The following HELZ variants were observed in gnomAD, a reference collection of about 807,000 sequenced individuals.
The protein encoded by HELZ is ATP-dependent RNA helicase with zinc finger domain.
Under a neutral mutation model 218.2 loss-of-function variants are expected in HELZ, and 23 were observed. The ratio of observed to expected loss-of-function variants is 0.11; its 90% CI spans 0.08 to 0.15. The LOEUF is 0.15. Among genes scored for constraint, HELZ ranks in the 10% least tolerant of loss-of-function variants. HELZ has a pLI of 1.00. For synonymous variants in HELZ, 814 were observed against 829.4 expected (o/e 0.98, Z 0.32); for missense variants, 1,813 against 2,353.7 (o/e 0.77, Z 4.75).
chr17:67,078,360 C>A lies in HELZ; in HGVS notation c.5721G>T (p.Arg1907Ser). 1 of 1,612,652 alleles carries A rather than the reference C, an allele frequency of 6.2e-7. No homozygotes were observed. Among genetic ancestry groups the A allele is most frequent in the Non-Finnish European group, 8.5e-7 (1 of 1,179,598 alleles). The change falls in exon 33 of 33, where the codon AGG becomes AGT. Residue 1907 changes from arginine (R) to serine (S), a missense_variant. Physicochemically the swap from Arg to Ser is moderately radical, Grantham distance 110. Coordinates refer to ENST00000358691, the MANE Select transcript of HELZ (RefSeq NM_014877.4). ...TCTTCTTGGCCTGCTCAGGAGGGGGCCTGGGCTTTGGAGGGGCCCGCAGAG... is the reference window on the plus strand; with the variant it reads ...TCTTCTTGGCCTGCTCAGGAGGGGGACTGGGCTTTGGAGGGGCCCGCAGAG... ...ASALRAPPKP[R>S]PPPEQAKKSS...
At chr17:67,215,175 T>G (rs2040563917) in intron 5 of HELZ, among the ~76,000 whole-genome samples, 1 of 151,816 alleles carries the variant, frequency 6.6e-6, no homozygotes, top group Admixed American at 6.6e-5. Flanking sequence ...CAGGAAAAAT[T>G]ACTAAAGAGC....
chr17:67,142,593 C>T (rs1265627115), intron 21 of HELZ, among the ~76,000 whole-genome samples: 6 of 151,982 alleles, frequency 3.9e-5, no homozygotes, highest in Non-Finnish European at 7.4e-5. Context: ...ATAGAATATG[C>T]ACTTTAGATT....
chr17:67,171,062 T>A (rs1222543254), intron 13 of HELZ, among the ~76,000 whole-genome samples: 3 of 151,234 alleles, frequency 2.0e-5, no homozygotes, highest in African/African-American at 7.3e-5. Flanking sequence ...CACTATACAG[T>A]CAATGTCTTC....
At chr17:67,199,200 T>C (rs904791082) in intron 7 of HELZ, among the ~76,000 whole-genome samples, 2 of 150,530 alleles carry the variant, frequency 1.3e-5, no homozygotes, top group South Asian at 2.1e-4. Flanking sequence ...TAATTGCGAT[T>C]TTGCCATTAC....
chr17:67,154,567 T>C (rs936265029), intron 17 of HELZ, among the ~76,000 whole-genome samples: 7 of 152,294 alleles, frequency 4.6e-5, no homozygotes, highest in Middle Eastern at 3.4e-3. Flanking sequence ...ATCTTGAAAA[T>C]TGCTATTAAA....
At chr17:67,142,277 G>C (rs2038351250) in intron 21 of HELZ, among the ~76,000 whole-genome samples, 1 of 151,930 alleles carries the variant, frequency 6.6e-6, no homozygotes, top group East Asian at 1.9e-4. Flanking sequence ...GAGGCTGAGG[G>C]AGGTGGATCG....
At position 67,079,490 on chromosome 17, in the gene HELZ, T is replaced by C. The variant is rs116733937; in HGVS notation, c.5495-904A>G. Among the ~76,000 whole-genome samples the C allele has an allele frequency of 5.7e-3, 867 of 152,336 alleles. 8 individuals are homozygous for C. Among genetic ancestry groups the C allele is most frequent in the African/African-American group, 0.019 (794 of 41,568 alleles). ...GACCGTGATGTTCCAGGTCAATATT[T>C]CTAAATATTCACGGCTCCTTCCTCA... On this transcript the variant is annotated intron_variant, in intron 32 of 32. Transcript: ENST00000358691.
Position 67,122,568 on chromosome 17 carries a change from C to T in HELZ, c.3630+402G>A, listed in dbSNP as rs935215520. 3.3e-5 allele frequency among the ~76,000 whole-genome samples: 5 copies of T among 151,578 alleles called. No individual in the cohort carries two copies. In the South Asian group the frequency reaches 1.0e-3, roughly 32 times the overall value. On this transcript the variant is annotated intron_variant, in intron 26 of 32. Transcript: ENST00000358691. ...CTCAAAAAAAAAAAAATTAGCCGGA[C>T]GTAGTGGTGCATGCCTGTAATCCCA...
upstream of HELZ, chr17:67,245,213 G>A (rs2041450389): frequency 1.0e-6 from 1 of 985,674 alleles, no homozygotes; most frequent in African/African-American, 1.7e-5. Flanking sequence ...TTATGGGTAA[G>A]AAAGAGCCTT....
Position 67,078,387 on chromosome 17 carries a change from G to C in HELZ, c.5694C>G (p.Ser1898Arg). The C allele has an allele frequency of 7.5e-6, 12 of 1,608,334 alleles. No homozygotes were observed. Among genetic ancestry groups the C allele is most frequent in the Non-Finnish European group, 1.0e-5 (12 of 1,178,324 alleles). Residue 1898 changes from serine (S) to arginine (R), a missense_variant, in exon 33 of 33, where the codon AGC becomes AGG. By Grantham distance (110) the Ser-to-Arg change is moderately radical. Transcript: ENST00000358691. ...AGGKPAMSYA[S>R]ALRAPPKPRP... ...TGGGCTTTGGAGGGGCCCGCAGAGCGCTGGCATAGGACATGGCGGGCTTGC... is the reference window on the plus strand; with the variant it reads ...TGGGCTTTGGAGGGGCCCGCAGAGCCCTGGCATAGGACATGGCGGGCTTGC...
intron 12 of HELZ, among the ~76,000 whole-genome samples, chr17:67,184,090 A>T (rs2039685572): frequency 6.6e-6 from 1 of 152,158 alleles, no homozygotes; most frequent in Admixed American, 6.5e-5. Flanking sequence ...TTTTAGTTCA[A>T]TACTTAACAA....
Position 67,076,329 on chromosome 17 carries a change from A to G in HELZ, c.*1923T>C, listed in dbSNP as rs1454748658. ...CAAAACTTTTTCTTCTTTTCTTCCT[A>G]CTAAAGAATGTTGAGTAAAATTTGA... On this transcript the variant is annotated 3_prime_UTR_variant, in exon 33 of 33. Transcript: ENST00000358691. 1 of 152,194 alleles carries G rather than the reference A, an allele frequency of 6.6e-6. No homozygotes were observed. Among genetic ancestry groups the G allele is most frequent in the Admixed American group, 6.5e-5 (1 of 15,288 alleles). 9.4% of individuals were successfully genotyped at this position (152,194 alleles called of 1,614,324 possible).
At chr17:67,197,254 CTT>C (rs757510043) in intron 7 of HELZ, among the ~76,000 whole-genome samples, 2 of 152,044 alleles carry the variant, frequency 1.3e-5, no homozygotes, top group East Asian at 3.9e-4. Context: ...TCATTCTTCT[CTT>C]GTCTGCCGCC....
rs2036020063 is a variant in HELZ, at chr17:67,076,402, T to C, written c.*1850A>G. ...ACATCATACAGAGAAAGAGTGGTGC[T>C]GTAACTTGCCGGCTCAGTTTTCCAG... is the stretch of plus-strand genomic sequence containing the variant. On this transcript the variant is annotated 3_prime_UTR_variant, in exon 33 of 33. Transcript: ENST00000358691. 1 of 152,218 alleles carries C rather than the reference T, an allele frequency of 6.6e-6. No individual in the cohort carries two copies. Among genetic ancestry groups the C allele is most frequent in the Non-Finnish European group, 1.5e-5 (1 of 68,042 alleles). The allele number at this position is 152,218 out of a possible 1,614,324, so 9.4% of individuals were successfully genotyped here. A position where few individuals can be genotyped will look rare whatever the true frequency, so the allele number is the denominator to read the frequency against.
At position 67,107,483 on chromosome 17, in the gene HELZ, C is replaced by G; in HGVS notation, c.4927G>C (p.Val1643Leu). ...NFNDNSRDIE[V>L]ASNPAFPQRL... ...TGTGGAAATGCTGGGTTGCTGGCTA[C>G]TTCAATGTCTCTGCTGTTATCATTA... The change falls in exon 31 of 33, where the codon GTA (valine) becomes CTA (leucine). Residue 1643 changes from valine to leucine, a missense_variant. Coordinates refer to ENST00000358691, the MANE Select transcript of HELZ (RefSeq NM_014877.4). 6.2e-7 allele frequency: 1 copy of G among 1,614,150 alleles called. No individual in the cohort carries two copies.
At chr17:67,180,876 T>C (rs2039590299) in intron 12 of HELZ, among the ~76,000 whole-genome samples, 1 of 49,934 alleles carries the variant, frequency 2.0e-5, no homozygotes, top group South Asian at 6.6e-4. Flanking sequence ...AGACTCCATC[T>C]CAAAAAAAAA....
chr17:67,201,512 C>T (rs1259458222), intron 6 of HELZ, among the ~76,000 whole-genome samples: 1 of 152,058 alleles, frequency 6.6e-6, no homozygotes, highest in Admixed American at 6.5e-5. Flanking sequence ...AGGAAAACAA[C>T]CTATTGCTGT....
intron 3 of HELZ, among the ~76,000 whole-genome samples, chr17:67,235,730 A>G (rs1348803962): frequency 1.4e-5 from 2 of 142,940 alleles, no homozygotes; most frequent in Non-Finnish European, 1.5e-5. Context: ...AAGATCATTT[A>G]CCATTTTGAC....
chr17:67,141,283 T>C (rs1443364429), intron 21 of HELZ, among the ~76,000 whole-genome samples: 1 of 152,164 alleles, frequency 6.6e-6, no homozygotes, highest in African/African-American at 2.4e-5. Context: ...TATAACAACG[T>C]AATGTTTGAC....
Sources: gnomAD v4.1 joint callset for allele counts (sites outside exome capture counted in the v4.1 genomes callset) on GRCh38, gnomAD v4.1.1 for gene constraint, MANE v1.5 for transcripts, NCBI Gene and HGNC (gene_info 2026-07-23, HGNC 2026-07-21) for gene names.